CLIC4: variants seen among roughly 807,000 people sequenced by gnomAD.
CLIC4 encodes the protein CLIC family member 4.
In CLIC4, 13 loss-of-function variants were observed where a neutral mutation model predicts 24.6. That is an observed-to-expected ratio of 0.53 (90% CI 0.34 to 0.84). The LOEUF (loss-of-function observed/expected upper bound fraction) is 0.84, where lower values mean the gene tolerates loss of function less well. Among genes scored for constraint, CLIC4 ranks in the 40% least tolerant of loss-of-function variants. The pLI is 0.01. For missense variants in CLIC4, 227 were observed against 301.7 expected, an observed-to-expected ratio of 0.75 and a Z score of 1.83; for synonymous variants, 104 against 111.3, an observed-to-expected ratio of 0.93 and a Z score of 0.41.
chr1:24,749,071 A>C (rs370178205), intron 1 of CLIC4, among the ~76,000 whole-genome samples: 38 of 151,958 alleles, frequency 2.5e-4, no homozygotes, highest in African/African-American at 8.4e-4. Context: ...AAAATTAGCC[A>C]CGCATAGTGG....
At chr1:24,827,161 A>T (rs774506337) in intron 4 of CLIC4, 45 bp downstream of exon 4, 1 of 1,168,910 alleles carries the variant, frequency 8.6e-7, no homozygotes, top group South Asian at 1.3e-5. Context: ...AAAAACCCCA[A>T]ACAACAACAG....
rs559971391 is a variant in CLIC4, at chr1:24,778,974, T to C, written c.73-18768T>C. On this transcript the variant is annotated intron_variant, in intron 1 of 5. Transcript: ENST00000374379. Reference sequence around the variant, plus strand: ...TCCATTTGTTATTTCATCTAGTAGTTTTTGAATGACTACTTTGCATTTAGC... The same window carrying C: ...TCCATTTGTTATTTCATCTAGTAGTCTTTGAATGACTACTTTGCATTTAGC... Among the ~76,000 whole-genome samples the C allele has an allele frequency of 7.9e-5, 12 of 152,370 alleles. No individual in the cohort carries two copies. In the South Asian group the frequency reaches 2.5e-3, roughly 32 times the overall value.
chr1:24,814,576 GT>G (rs1043636047), intron 3 of CLIC4, among the ~76,000 whole-genome samples: 26 of 152,340 alleles, frequency 1.7e-4, no homozygotes, highest in African/African-American at 6.3e-4. Flanking sequence ...CAGTAAGAAT[GT>G]CTTAGCAGGA....
chr1:24,748,504 T>G (rs927263879), intron 1 of CLIC4, among the ~76,000 whole-genome samples: 27 of 141,026 alleles, frequency 1.9e-4, no homozygotes, highest in Non-Finnish European at 3.4e-4. Flanking sequence ...TTTTTGTTTT[T>G]TTTTTTTTTT....
chr1:24,799,720 G>A (rs552785787), intron 2 of CLIC4, among the ~76,000 whole-genome samples: 83 of 138,176 alleles, frequency 6.0e-4, no homozygotes, highest in Non-Finnish European at 1.1e-3. Flanking sequence ...CCCCCCGCCC[G>A]GCCAGCCGCC....
chr1:24,822,981 C>T (rs1639750430), intron 3 of CLIC4, among the ~76,000 whole-genome samples: 1 of 152,120 alleles, frequency 6.6e-6, no homozygotes, highest in South Asian at 2.1e-4. Context: ...TATTGCTAGT[C>T]TTCTTCAGGC....
intron 3 of CLIC4, among the ~76,000 whole-genome samples, chr1:24,816,302 C>T (rs551151671): frequency 2.4e-5 from 3 of 126,042 alleles, no homozygotes; most frequent in Admixed American, 1.1e-4. Context: ...TGCAGTGATG[C>T]GATCTCGGCT....
chr1:24,809,551 AC>A (rs1639590814), intron 2 of CLIC4, among the ~76,000 whole-genome samples: 1 of 152,022 alleles, frequency 6.6e-6, no homozygotes, highest in Admixed American at 6.6e-5. Flanking sequence ...GCTCACTGTA[AC>A]CTCCGCCTTC....
At chr1:24,746,680 T>A (rs1402451967) in intron 1 of CLIC4, among the ~76,000 whole-genome samples, 3 of 152,188 alleles carry the variant, frequency 2.0e-5, no homozygotes, top group Non-Finnish European at 4.4e-5. Context: ...CCCGAGTTTT[T>A]ACTTTAAAGA....
intron 2 of CLIC4, among the ~76,000 whole-genome samples, chr1:24,807,953 CTT>C (rs5773106): frequency 1.9e-3 from 267 of 137,660 alleles, no homozygotes; most frequent in Middle Eastern, 7.5e-3. Flanking sequence ...AAAAACATTC[CTT>C]TTTTTTTTTT....
At chr1:24,814,950 C>T (rs1418886035) in intron 3 of CLIC4, among the ~76,000 whole-genome samples, 1 of 152,090 alleles carries the variant, frequency 6.6e-6, no homozygotes, top group East Asian at 1.9e-4. Context: ...GATATATTTT[C>T]CAGGAATGGG....
At chr1:24,755,999 T>G (rs1004266918) in intron 1 of CLIC4, among the ~76,000 whole-genome samples, 69 of 138,860 alleles carry the variant, frequency 5.0e-4, no homozygotes, top group African/African-American at 1.9e-3. Context: ...TTTTTTGATT[T>G]TTTTTTTTTT....
rs150980286 is a variant in CLIC4, at chr1:24,830,556, A to G, written c.415+3440A>G. 2.3e-4 allele frequency among the ~76,000 whole-genome samples: 35 copies of G among 151,776 alleles called. No homozygotes were observed. In the East Asian group the frequency reaches 3.5e-3, roughly 15 times the overall value. ...GTTTGTGCATTTTAAATTTTGCTCT[A>G]TTTTGCTAAATTGTTCTCCAAAAGT... On this transcript the variant is annotated intron_variant, in intron 4 of 5. Coordinates refer to ENST00000374379, the MANE Select transcript of CLIC4 (RefSeq NM_013943.3).
At chr1:24,795,012 C>G (rs1190425028) in intron 1 of CLIC4, among the ~76,000 whole-genome samples, 4 of 151,970 alleles carry the variant, frequency 2.6e-5, no homozygotes, top group African/African-American at 9.7e-5. Context: ...GGTGTGTGGC[C>G]TTATTTCTGG....
intron 1 of CLIC4, among the ~76,000 whole-genome samples, chr1:24,762,919 C>A (rs933617671): frequency 4.6e-5 from 7 of 152,140 alleles, no homozygotes; most frequent in African/African-American, 1.7e-4. Flanking sequence ...GGGTTGAATG[C>A]TGATTTATTA....
intron 1 of CLIC4, among the ~76,000 whole-genome samples, chr1:24,781,696 C>T (rs1639207482): frequency 6.7e-6 from 1 of 150,008 alleles, no homozygotes; most frequent in South Asian, 2.1e-4. Flanking sequence ...AAGACGGAGT[C>T]TCGCACTGTT....
intron 1 of CLIC4, chr1:24,771,920 C>T: frequency 4.0e-6 from 2 of 502,042 alleles, no homozygotes; most frequent in East Asian, 5.7e-5. Context: ...GATGTTCAGT[C>T]CAGTTTGTAT....
chr1:24,801,316 C>CAAGT (rs1297145477), intron 2 of CLIC4, among the ~76,000 whole-genome samples: 5 of 152,050 alleles, frequency 3.3e-5, no homozygotes, highest in Non-Finnish European at 7.4e-5. Context: ...AGGAGACTTA[C>CAAGT]AAGTATGATA....
intron 1 of CLIC4, among the ~76,000 whole-genome samples, chr1:24,789,379 A>G (rs891507688): frequency 6.6e-6 from 1 of 152,142 alleles, no homozygotes; most frequent in Non-Finnish European, 1.5e-5. Context: ...TTAGCTGGGT[A>G]TGGTGATGTG....
Sources: allele counts gnomAD v4.1 joint callset (sites outside exome capture counted in the v4.1 genomes callset), GRCh38; gene constraint gnomAD v4.1.1; transcripts MANE v1.5; gene names NCBI Gene and HGNC (gene_info 2026-07-23, HGNC 2026-07-21).